CPNE4: variants seen among roughly 807,000 people sequenced by gnomAD.
CPNE4 encodes copine-4.
A neutral mutation model predicts 67.9 loss-of-function variants in CPNE4; 25 were observed. The ratio of observed to expected loss-of-function variants is 0.37; its 90% CI spans 0.27 to 0.51. CPNE4 has a LOEUF of 0.51. Among genes scored for constraint, CPNE4 ranks in the 20% least tolerant of loss-of-function variants. The pLI is 0.93. For missense variants in CPNE4, 464 were observed against 690.8 expected, an observed-to-expected ratio of 0.67 and a Z score of 3.68; for synonymous variants, 242 against 244.9, an observed-to-expected ratio of 0.99 and a Z score of 0.11.
At chr3:131,590,480 C>T (rs1938461628) in intron 7 of CPNE4, among the ~76,000 whole-genome samples, 1 of 152,118 alleles carries the variant, frequency 6.6e-6, no homozygotes, top group South Asian at 2.1e-4. Flanking sequence ...TTTTCAGCCA[C>T]TGAGATTACT....
chr3:131,733,528 C>G (rs2082172128), intron 2 of CPNE4, among the ~76,000 whole-genome samples: 1 of 152,206 alleles, frequency 6.6e-6, no homozygotes, highest in Non-Finnish European at 1.5e-5. Flanking sequence ...CCGTATACCC[C>G]CCAACTCCAG....
intron 2 of CPNE4, among the ~76,000 whole-genome samples, chr3:131,857,764 A>G (rs1187320799): frequency 6.6e-6 from 1 of 151,922 alleles, no homozygotes; most frequent in Non-Finnish European, 1.5e-5. Context: ...TCTACCTCCC[A>G]TCCTTTCTGC....
intron 3 of CPNE4, among the ~76,000 whole-genome samples, chr3:131,720,512 C>G (rs2081855519): frequency 6.6e-6 from 1 of 152,104 alleles, no homozygotes; most frequent in Admixed American, 6.5e-5. Context: ...TCTCGATCTC[C>G]TGACCTTGTG....
intron 8 of CPNE4, among the ~76,000 whole-genome samples, chr3:131,583,638 T>C (rs1937984253): frequency 6.6e-6 from 1 of 152,202 alleles, no homozygotes; most frequent in African/African-American, 2.4e-5. Flanking sequence ...TGGGTTGGCT[T>C]AGTCAGGAGA....
intron 6 of CPNE4, among the ~76,000 whole-genome samples, chr3:131,674,793 C>CTTCATTTAAAT (rs1201052858): frequency 7.9e-5 from 12 of 150,944 alleles, no homozygotes; most frequent in Non-Finnish European, 1.6e-4. Flanking sequence ...TTATTATTTT[C>CTTCATTTAAAT]TTCATTTAAA....
intron 7 of CPNE4, among the ~76,000 whole-genome samples, chr3:131,660,942 C>A (rs2107641816): frequency 6.6e-6 from 1 of 152,234 alleles, no homozygotes; most frequent in East Asian, 1.9e-4. Flanking sequence ...ATATTTTTTC[C>A]CCTTTTGCCT....
At chr3:131,608,265 A>C (rs1168511256) in intron 7 of CPNE4, among the ~76,000 whole-genome samples, 2 of 152,288 alleles carry the variant, frequency 1.3e-5, no homozygotes, top group Non-Finnish European at 1.5e-5. Context: ...AGGGGAAGTC[A>C]GTTCAAATAA....
chr3:131,850,397 G>C (rs538165666), intron 2 of CPNE4, among the ~76,000 whole-genome samples: 1 of 152,152 alleles, frequency 6.6e-6, no homozygotes, highest in African/African-American at 2.4e-5. Flanking sequence ...TAGCTGTGTG[G>C]CCTCGGACAA....
chr3:131,816,213 C>A (rs2084735677), intron 2 of CPNE4, among the ~76,000 whole-genome samples: 1 of 152,130 alleles, frequency 6.6e-6, no homozygotes, highest in Admixed American at 6.5e-5. Context: ...AAGTTTAGGA[C>A]AATAGGTTTT....
chr3:131,864,019 T>C (rs2086815550), intron 2 of CPNE4, among the ~76,000 whole-genome samples: 1 of 152,110 alleles, frequency 6.6e-6, no homozygotes, highest in African/African-American at 2.4e-5. Context: ...TAGTTGTAGA[T>C]ATGCGGCATT....
intron 7 of CPNE4, among the ~76,000 whole-genome samples, chr3:131,652,940 T>C (rs922612387): frequency 6.6e-6 from 1 of 152,204 alleles, no homozygotes; most frequent in African/African-American, 2.4e-5. Flanking sequence ...AATACAAAAC[T>C]GAATTCATCT....
At chr3:131,853,804 A>C (rs1418565773) in intron 2 of CPNE4, among the ~76,000 whole-genome samples, 1 of 151,878 alleles carries the variant, frequency 6.6e-6, no homozygotes, top group Non-Finnish European at 1.5e-5. Flanking sequence ...ACCCAACATT[A>C]TTTAGTCATC....
intron 2 of CPNE4, among the ~76,000 whole-genome samples, chr3:131,867,775 A>C (rs533395804): frequency 6.6e-6 from 1 of 152,138 alleles, no homozygotes; most frequent in African/African-American, 2.4e-5. Context: ...GAAAAATAAC[A>C]TCCTCTCTTT....
chr3:131,945,134 T>A (rs2071513069), intron 1 of CPNE4, among the ~76,000 whole-genome samples: 1 of 152,204 alleles, frequency 6.6e-6, no homozygotes, highest in Non-Finnish European at 1.5e-5. Flanking sequence ...TTTGCTCATA[T>A]GTGTTAACAG....
At chr3:131,545,713 A>C (rs1935794973) in intron 14 of CPNE4, among the ~76,000 whole-genome samples, 2 of 152,202 alleles carry the variant, frequency 1.3e-5, no homozygotes, top group African/African-American at 4.8e-5. Flanking sequence ...ATATTTTGCT[A>C]ACTGCATTTC....
At chr3:131,892,305 C>T (rs966587504) in intron 2 of CPNE4, among the ~76,000 whole-genome samples, 2 of 152,088 alleles carry the variant, frequency 1.3e-5, no homozygotes, top group African/African-American at 4.8e-5. Context: ...TGCTACAGCT[C>T]GGTGCCACCT....
intron 5 of CPNE4, 115 bp from the exon 6 acceptor site, chr3:131,686,073 T>A: frequency 1.6e-6 from 1 of 638,244 alleles, no homozygotes; most frequent in East Asian, 2.9e-5. Flanking sequence ...TTTTTATATG[T>A]GGAAGGGAGG....
chr3:131,588,614 T>G (rs1297368370), intron 7 of CPNE4, among the ~76,000 whole-genome samples: 1 of 152,210 alleles, frequency 6.6e-6, no homozygotes, highest in Non-Finnish European at 1.5e-5. Context: ...TCCTGCAGGA[T>G]GCCTCATAGA....
At chr3:131,928,264 A>G in intron 1 of CPNE4, among the ~76,000 whole-genome samples, 1 of 152,162 alleles carries the variant, frequency 6.6e-6, no homozygotes, top group Non-Finnish European at 1.5e-5. Flanking sequence ...AATGTATACC[A>G]TATCCATGAA....
Sources: allele counts gnomAD v4.1 joint callset (sites outside exome capture counted in the v4.1 genomes callset), GRCh38; gene constraint gnomAD v4.1.1; transcripts MANE v1.5; gene names NCBI Gene and HGNC (gene_info 2026-07-23, HGNC 2026-07-21).